The following INO80 variants were observed in gnomAD, a reference collection of about 807,000 sequenced individuals.
INO80 encodes the protein chromatin-remodeling ATPase INO80.
A neutral mutation model predicts 203.4 loss-of-function variants in INO80; 20 were observed. The observed-to-expected ratio is 0.10, with a 90% CI of 0.07 to 0.14. INO80 has a LOEUF of 0.14. Ranked by LOEUF, INO80 falls within the 10% of genes least tolerant of loss-of-function variation. The pLI, the probability that INO80 is intolerant of heterozygous loss-of-function variation, is 1.00. For synonymous variants in INO80, 726 were observed against 685.2 expected, an observed-to-expected ratio of 1.06 and a Z score of -0.93; for missense variants, 1,419 against 1,914.4, an observed-to-expected ratio of 0.74 and a Z score of 4.83.
chr15:40,991,679 A>G (rs890271767), intron 29 of INO80, among the ~76,000 whole-genome samples: 4 of 151,956 alleles, frequency 2.6e-5, no homozygotes, highest in Non-Finnish European at 4.4e-5. Flanking sequence ...AAGGGAAGAG[A>G]GGTGAGAGTT....
rs759766290 is a variant in INO80 at position 41,087,640 on chromosome 15, A to G, written c.580T>C (p.Tyr194His). 1.2e-6 allele frequency: 2 copies of G among 1,613,886 alleles called. No individual in the cohort carries two copies. Among genetic ancestry groups the G allele is most frequent in the Admixed American group, 1.7e-5 (1 of 59,994 alleles). Residue 194 changes from tyrosine (Y) to histidine (H), a missense_variant, in exon 6 of 36, where the codon TAT becomes CAT. By Grantham distance (83) the Tyr-to-His change is moderately conservative. Transcript: ENST00000648947. ...QYYSAGLLST[Y>H]DPFYEQQRHL... ...CGTTGTTGCTCATAGAAAGGGTCAT[A>G]TGTGGAGAGCAGGCCTGCACTGTAG...
chr15:41,096,507 G>A (rs1350577688), intron 1 of INO80, among the ~76,000 whole-genome samples, 154 bp from the exon 2 acceptor site: 2 of 152,260 alleles, frequency 1.3e-5, no homozygotes, highest in Admixed American at 6.5e-5. Context: ...TAAAGCTCTT[G>A]TTAGACACTG....
rs1422041274 is a variant in INO80 at position 41,067,761 on chromosome 15, G to C, written c.1782+1809C>G. Among the ~76,000 whole-genome samples the C allele has an allele frequency of 2.0e-5, 3 of 152,184 alleles. No individual in the cohort carries two copies. The East Asian group carries it at 5.8e-4, about 29-fold the overall frequency. ...CTACAGGAAACCCATCACTATTACA[G>C]AGACCCAAAATCACAGAGATCATGT... On this transcript the variant is annotated intron_variant, in intron 14 of 35. Coordinates refer to ENST00000648947, the MANE Select transcript of INO80 (RefSeq NM_017553.3).
chr15:41,055,733 G>T (rs1475532112), intron 17 of INO80, among the ~76,000 whole-genome samples: 1 of 152,102 alleles, frequency 6.6e-6, no homozygotes, highest in Non-Finnish European at 1.5e-5. Flanking sequence ...TAGATTAGGG[G>T]TTAGAAAAAT....
In INO80 at chr15:41,116,166, C is replaced by CGGCGCTGAGGCGGCTGCG. The variant is rs1331999060; in HGVS notation, c.-255_-238dup. 3 of 406,956 alleles carry CGGCGCTGAGGCGGCTGCG rather than the reference C, an allele frequency of 7.4e-6. No individual in the cohort carries two copies. Among genetic ancestry groups the CGGCGCTGAGGCGGCTGCG allele is most frequent in the Admixed American group, 4.4e-5 (1 of 22,750 alleles). The allele number at this position is 406,956 out of a possible 1,614,324, so 25.2% of individuals were successfully genotyped here. On this transcript the variant is annotated 5_prime_UTR_variant, in exon 1 of 36. Coordinates refer to ENST00000648947, the MANE Select transcript of INO80 (RefSeq NM_017553.3). ...GGCTCCTGGGACCCCAAGATGGCGG[C>CGGCGCTGAGGCGGCTGCG]GGCGCTGAGGCGGCTGCGGGCGCTG...
At chr15:41,003,848 A>G (rs1436426508) in intron 28 of INO80, among the ~76,000 whole-genome samples, 1 of 152,196 alleles carries the variant, frequency 6.6e-6, no homozygotes, top group African/African-American at 2.4e-5. Context: ...ATGCCACCCC[A>G]TACCAGTATG....
intron 16 of INO80, among the ~76,000 whole-genome samples, chr15:41,057,797 C>CAAAAAAA (rs35197370): frequency 1.0e-4 from 3 of 29,302 alleles, no homozygotes; most frequent in East Asian, 1.1e-3. Flanking sequence ...AACTACATCT[C>CAAAAAAA]AAAAAAAAAA....
At chr15:41,038,979 T>C (rs1004782007) in intron 24 of INO80, among the ~76,000 whole-genome samples, 19 of 152,168 alleles carry the variant, frequency 1.2e-4, no homozygotes, top group South Asian at 6.2e-4. Context: ...GTAAGACAAA[T>C]AGGGCTGGGA....
At chr15:40,985,272 CA>C in intron 32 of INO80, 65 bp downstream of exon 32, 1 of 1,154,478 alleles carries the variant, frequency 8.7e-7, no homozygotes, top group South Asian at 1.2e-5. Context: ...CCATGTACCC[CA>C]AAGCCTTTTT....
At chr15:40,996,167 A>G (rs923415564) in intron 29 of INO80, among the ~76,000 whole-genome samples, 2 of 152,114 alleles carry the variant, frequency 1.3e-5, no homozygotes, top group Non-Finnish European at 2.9e-5. Context: ...TTGATGTTCT[A>G]TATGTCAGAG....
chr15:40,997,691 A>G (rs2043897799), intron 28 of INO80, 90 bp from the exon 29 acceptor site: 1 of 835,326 alleles, frequency 1.2e-6, no homozygotes. Context: ...TACAGAACAT[A>G]AAGTCTAGGA....
At chr15:41,066,321 CAACT>C (rs2045213380) in intron 14 of INO80, among the ~76,000 whole-genome samples, 1 of 151,904 alleles carries the variant, frequency 6.6e-6, no homozygotes, top group Non-Finnish European at 1.5e-5. Flanking sequence ...CTACCATATC[CAACT>C]AACTTTTAAA....
chr15:41,110,516 A>C (rs563528297), intron 1 of INO80, among the ~76,000 whole-genome samples: 1 of 152,138 alleles, frequency 6.6e-6, no homozygotes, highest in South Asian at 2.1e-4. Flanking sequence ...ACAGCGCACT[A>C]TAGCCTTGAC....
chr15:41,108,388 G>C lies in INO80; in HGVS notation c.-44+7585C>G, dbSNP rs547009925. On this transcript the variant is annotated intron_variant, in intron 1 of 35. Transcript: ENST00000648947. ...GCGGATCACAAGGTCAGGAGATCTA[G>C]ACCATTCTGGCTAACACCAGTAGAA... Among the ~76,000 whole-genome samples, 32 of 152,010 alleles carry C rather than the reference G, an allele frequency of 2.1e-4. 1 individual carries two copies. The highest frequency in any genetic ancestry group is 7.2e-4 in the African/African-American group (30 of 41,472).
In INO80 at chr15:41,056,661, A is replaced by C. The variant is rs1045787048; in HGVS notation, c.2031T>G (p.Leu677=). The change falls in exon 17 of 36, where the codon CTT becomes CTG. Residue 677 remains leucine (L), a synonymous_variant. Coordinates refer to ENST00000648947, the MANE Select transcript of INO80 (RefSeq NM_017553.3). ...TCTGAATTGGGGTCCCGGTTAGCAA[A>C]AGCCGATTCCGACACTGGAACTGTA... ...ILLQFQCRNR[L]LLTGTPIQNT... is the part of the protein sequence containing the mutation. 3 of 1,614,196 alleles carry C rather than the reference A, an allele frequency of 1.9e-6. No homozygotes were observed. Among genetic ancestry groups the C allele is most frequent in the Non-Finnish European group, 2.5e-6 (3 of 1,180,012 alleles).
chr15:41,020,831 AC>A (rs1290423813), intron 26 of INO80, 68 bp downstream of exon 26: 6 of 939,004 alleles, frequency 6.4e-6, no homozygotes, highest in African/African-American at 1.6e-5. Context: ...TGAAAGGACC[AC>A]ATGAAGATAA....
chr15:41,043,249 T>C lies in INO80; in HGVS notation c.2907+1655A>G, dbSNP rs183580726. Among the ~76,000 whole-genome samples, 82 of 152,266 alleles carry C rather than the reference T, an allele frequency of 5.4e-4. 2 individuals are homozygous for C. The highest frequency in any genetic ancestry group is 1.9e-3 in the African/African-American group (78 of 41,540). On this transcript the variant is annotated intron_variant, in intron 24 of 35. Transcript: ENST00000648947. ...TCTTGGAAGAATGGTGCTTTTTGTA[T>C]AAAAAGCAGAACTGATAAAAATGTA...
Position 41,058,796 on chromosome 15 carries a change from G to C in INO80, c.1843-15C>G, listed in dbSNP as rs955559263. ...TAGAGGGTCTTCTGTAAATATAAAA[G>C]GGGAAGGGTGAAAAGAGAAACCTAA... On this transcript the variant is annotated splice_polypyrimidine_tract_variant and intron_variant, in intron 15 of 35. Transcript: ENST00000648947. 7 of 1,605,096 alleles carry C rather than the reference G, an allele frequency of 4.4e-6. No individual in the cohort carries two copies. In the Admixed American group the frequency reaches 1.0e-4, roughly 24 times the overall value.
intron 28 of INO80, chr15:41,005,217 A>AG (rs1555398759): frequency 2.6e-5 from 4 of 156,846 alleles, no homozygotes; most frequent in South Asian, 2.0e-4. Flanking sequence ...AAAAAAAAAA[A>AG]AAAAGAAATG....
Sources: gnomAD v4.1 joint callset for allele counts (sites outside exome capture counted in the v4.1 genomes callset) on GRCh38, gnomAD v4.1.1 for gene constraint, MANE v1.5 for transcripts, NCBI Gene and HGNC (gene_info 2026-07-23, HGNC 2026-07-21) for gene names.